Variants in SYNE2 observed in about 807,000 individuals in gnomAD.
The protein encoded by SYNE2 is nesprin-2.
SYNE2 carries 431 observed loss-of-function variants against 856.3 expected under a neutral mutation model. The observed-to-expected ratio is 0.50, with a 90% CI of 0.47 to 0.55. The LOEUF (loss-of-function observed/expected upper bound fraction) is 0.55. Ranked by LOEUF, SYNE2 falls within the 20% of genes least tolerant of loss-of-function variation. SYNE2 has a pLI of 0.00. For synonymous variants in SYNE2, 2,923 were observed against 2,872.3 expected (o/e 1.02, Z -0.56); for missense variants, 8,129 against 8,023.2 (o/e 1.01, Z -0.50).
intron 1 of SYNE2, among the ~76,000 whole-genome samples, chr14:63,825,148 T>C (rs1889374056): frequency 6.6e-6 from 1 of 151,986 alleles, no homozygotes; most frequent in African/African-American, 2.4e-5. Context: ...ATAAAGGACA[T>C]TGATGAAGAA....
intron 20 of SYNE2, 31 bp from the exon 21 acceptor site, chr14:63,990,911 G>C (rs764300508): frequency 1.3e-6 from 2 of 1,596,278 alleles, no homozygotes; most frequent in Non-Finnish European, 1.7e-6. Flanking sequence ...ATTGGTCCCC[G>C]TGTTAATTTG....
At chr14:63,997,183 C>A in intron 24 of SYNE2, 25 bp downstream of exon 24, 1 of 1,605,560 alleles carries the variant, frequency 6.2e-7, no homozygotes, top group Non-Finnish European at 8.5e-7. Context: ...AGAATAGCTA[C>A]CCTTCAGGAT....
At chr14:63,825,958 T>C (rs940691601) in intron 1 of SYNE2, among the ~76,000 whole-genome samples, 1 of 152,188 alleles carries the variant, frequency 6.6e-6, no homozygotes, top group African/African-American at 2.4e-5. Context: ...ATTGTTTAGA[T>C]AGCAGTACTT....
rs2097239886 is a variant in SYNE2, at chr14:64,053,091, T to C, written c.9178T>C (p.Leu3060=). ...ATTAAGTAAAATGAGAGCTATTGATTTGCAAATTAAGAAAATGACTGAAGT... is the reference window on the plus strand; with the variant it reads ...ATTAAGTAAAATGAGAGCTATTGATCTGCAAATTAAGAAAATGACTGAAGT... ...ALLSKMRAID[L]QIKKMTEVVL... The change falls in exon 48 of 116, where the codon TTG becomes CTG. Residue 3060 remains leucine (L), a synonymous_variant. Coordinates refer to ENST00000555002, the MANE Select transcript of SYNE2 (RefSeq NM_182914.3). The C allele has an allele frequency of 6.2e-7, 1 of 1,613,924 alleles. No individual in the cohort carries two copies. Among genetic ancestry groups the C allele is most frequent in the Non-Finnish European group, 8.5e-7 (1 of 1,180,024 alleles).
intron 107 of SYNE2, 74 bp downstream of exon 107, chr14:64,215,428 A>G (rs772471193): frequency 9.3e-5 from 135 of 1,445,294 alleles, no homozygotes; most frequent in Middle Eastern, 1.7e-4. Context: ...CCTCGCTCCC[A>G]TGTCGTGTCT....
At chr14:64,114,428 G>A (rs890669671) in intron 66 of SYNE2, among the ~76,000 whole-genome samples, 6 of 152,194 alleles carry the variant, frequency 3.9e-5, no homozygotes, top group East Asian at 1.9e-4. Context: ...CTCAGAGTTC[G>A]CATATCACTA....
intron 110 of SYNE2, among the ~76,000 whole-genome samples, chr14:64,219,783 T>C (rs866049773): frequency 2.0e-5 from 3 of 152,086 alleles, no homozygotes; most frequent in Admixed American, 6.5e-5. Flanking sequence ...GAAAGACTAG[T>C]GGTGGAATCT....
At chr14:63,986,328 A>G in intron 18 of SYNE2, 128 bp from the exon 19 acceptor site, 1 of 974,052 alleles carries the variant, frequency 1.0e-6, no homozygotes, top group Non-Finnish European at 1.6e-6. Flanking sequence ...ACAAACTCCT[A>G]GCCTCAAGCA....
chr14:64,125,324 G>A (rs777020837), intron 71 of SYNE2, 114 bp downstream of exon 71: 211 of 1,440,174 alleles, frequency 1.5e-4, no homozygotes, highest in Non-Finnish European at 2.0e-4. Flanking sequence ...AACACATAAT[G>A]GAATGGGTCC....
chr14:64,024,134 T>C (rs2096959344), intron 38 of SYNE2, 123 bp from the exon 39 acceptor site: 1 of 796,102 alleles, frequency 1.3e-6, no homozygotes, highest in Admixed American at 2.0e-5. Context: ...ATCACCCTTC[T>C]TTCGTATAGG....
At chr14:63,780,156 A>G (rs1013177367) in intron 1 of SYNE2, among the ~76,000 whole-genome samples, 7 of 152,226 alleles carry the variant, frequency 4.6e-5, no homozygotes, top group African/African-American at 1.7e-4. Flanking sequence ...ACTTAGGAAT[A>G]AATCTCACAA....
Position 64,113,484 on chromosome 14 carries a change from G to A in SYNE2, c.12753G>A (p.Trp4251Ter). The A allele has an allele frequency of 1.2e-6, 2 of 1,614,168 alleles. No homozygotes were observed. The highest frequency in any genetic ancestry group is 1.7e-6 in the Non-Finnish European group (2 of 1,180,028). Reference sequence around the variant, plus strand: ...CCCAGGTGGCCGAGCTGGAGCTGTGGCTGCAACAAGCCAACGTGGCAGTTG... The same window carrying A: ...CCCAGGTGGCCGAGCTGGAGCTGTGACTGCAACAAGCCAACGTGGCAGTTG... ...CKTQVAELEL[W>*]LQQANVAVEP... is the part of the protein sequence containing the mutation. Residue 4251 changes from tryptophan (W) to a stop codon, truncating the protein, a stop_gained, in exon 66 of 116, where the codon TGG (tryptophan) becomes TGA (stop). Transcript: ENST00000555002. LOFTEE classifies it high-confidence loss of function.
Position 64,126,700 on chromosome 14 carries a change from C to G in SYNE2, c.13810C>G (p.Leu4604Val). The G allele has an allele frequency of 1.2e-6, 2 of 1,614,162 alleles. No homozygotes were observed. The highest frequency in any genetic ancestry group is 1.7e-6 in the Non-Finnish European group (2 of 1,180,034). Residue 4604 changes from leucine (L) to valine (V), a missense_variant, in exon 73 of 116, where the codon CTT becomes GTT. Physicochemically the swap from Leu to Val is conservative, Grantham distance 32. This residue lies in a region of SYNE2 where 5,410 missense variants were observed against 5,284.8 expected (regional missense o/e 1.02). Coordinates refer to ENST00000555002, the MANE Select transcript of SYNE2 (RefSeq NM_182914.3). Reference sequence around the variant, plus strand: ...GCCTGGCGAGAACACCAACTTGCTCCTTGAATGTTTTGACAACCTTCAAGT... The same window carrying G: ...GCCTGGCGAGAACACCAACTTGCTCGTTGAATGTTTTGACAACCTTCAAGT... The part of the protein sequence containing the change: ...TWPGENTNLL[L>V]ECFDNLQVCL...
intron 85 of SYNE2, among the ~76,000 whole-genome samples, chr14:64,153,712 T>C (rs2098264034): frequency 6.6e-6 from 1 of 152,096 alleles, no homozygotes; most frequent in South Asian, 2.1e-4. Flanking sequence ...AAAGAACTCA[T>C]AGGCTAGTGG....
At chr14:64,144,001 T>C in intron 83 of SYNE2, 53 bp downstream of exon 83, 1 of 1,607,112 alleles carries the variant, frequency 6.2e-7, no homozygotes, top group Non-Finnish European at 8.5e-7. Context: ...TGAAACACAC[T>C]TTCTGAAAAA....
rs114610463 is a variant in SYNE2 at position 63,788,462 on chromosome 14, C to T, written c.-305+26476C>T. On this transcript the variant is annotated intron_variant, in intron 1 of 23. Coordinates refer to the SYNE2 transcript ENST00000674003. Reference sequence around the variant, plus strand: ...GCACCCGGGAGGGCAGGGCAGGGATCCTGCCTGCTCCCGGCCCACACAAGA... The same window carrying T: ...GCACCCGGGAGGGCAGGGCAGGGATTCTGCCTGCTCCCGGCCCACACAAGA... 8.6e-3 allele frequency among the ~76,000 whole-genome samples: 1,306 copies of T among 152,238 alleles called. 17 individuals carry two copies. Among genetic ancestry groups the T allele is most frequent in the African/African-American group, 0.03 (1,234 of 41,556 alleles).
At chr14:64,122,154 G>A in intron 69 of SYNE2, 21 bp downstream of exon 69, 1 of 1,614,134 alleles carries the variant, frequency 6.2e-7, no homozygotes, top group Non-Finnish European at 8.5e-7. Context: ...TAAAAATAGA[G>A]TTGGTCATTC....
chr14:63,842,434 C>T (rs184172422), intron 1 of SYNE2, among the ~76,000 whole-genome samples: 16 of 148,512 alleles, frequency 1.1e-4, no homozygotes, highest in African/African-American at 2.5e-4. Flanking sequence ...TTACAGCACT[C>T]GGCCCTTTTG....
intron 32 of SYNE2, among the ~76,000 whole-genome samples, chr14:64,016,082 T>G (rs1471223734): frequency 6.6e-6 from 1 of 152,070 alleles, no homozygotes; most frequent in Non-Finnish European, 1.5e-5. Context: ...GATAAGTGCT[T>G]AGGTTCTTTG....
Sources: allele counts gnomAD v4.1 joint callset (sites outside exome capture counted in the v4.1 genomes callset), GRCh38; gene constraint gnomAD v4.1.1; regional missense constraint gnomAD v4.1.1; transcripts MANE v1.5; gene names NCBI Gene and HGNC (gene_info 2026-07-23, HGNC 2026-07-21).